Variants in CNTRL observed in about 807,000 individuals in gnomAD.
The protein encoded by CNTRL is 110 kDa centrosomal protein.
Under a neutral mutation model 303.7 loss-of-function variants are expected in CNTRL, and 233 were observed. That is an observed-to-expected ratio of 0.77 (90% CI 0.69 to 0.86). The LOEUF (loss-of-function observed/expected upper bound fraction) is 0.86, where lower values mean the gene tolerates loss of function less well. Ranked by LOEUF, CNTRL falls within the 40% of genes least tolerant of loss-of-function variation. The pLI, the probability that CNTRL is intolerant of heterozygous loss-of-function variation, is 0.00. For synonymous variants in CNTRL, 900 were observed against 922.2 expected (o/e 0.98, Z 0.44); for missense variants, 2,524 against 2,650.6 (o/e 0.95, Z 1.05).
At chr9:121,128,043 G>A (rs1180595677) in intron 14 of CNTRL, among the ~76,000 whole-genome samples, 4 of 151,976 alleles carry the variant, frequency 2.6e-5, no homozygotes, top group East Asian at 1.9e-4. Flanking sequence ...CCAGTCTATC[G>A]TTGATGGACA....
In CNTRL at chr9:121,171,506, G is replaced by C. The variant is rs760637748; in HGVS notation, c.6375G>C (p.Glu2125Asp). ...AGCGGGCCAGGCGCCTGATGAAGGA[G>C]CTCAACCAGATGCAGTATGAGTACA... The part of the protein sequence containing the change: ...NHERARRLMK[E>D]LNQMQYEYTE... Residue 2125 changes from glutamate to aspartate, a missense_variant, in exon 40 of 44, where the codon GAG becomes GAC. By Grantham distance (45) the Glu-to-Asp change is conservative. Transcript: ENST00000373855. 6.2e-6 allele frequency: 10 copies of C among 1,613,940 alleles called. No homozygotes were observed. Among genetic ancestry groups the C allele is most frequent in the South Asian group, 2.2e-5 (2 of 91,076 alleles).
At chr9:121,129,653 C>T (rs921844107) in intron 14 of CNTRL, among the ~76,000 whole-genome samples, 4 of 152,242 alleles carry the variant, frequency 2.6e-5, no homozygotes, top group South Asian at 2.1e-4. Flanking sequence ...TTGCCCTGGC[C>T]GGAACTTCCA....
chr9:121,176,061 C>T (rs2053510867), intron 43 of CNTRL, among the ~76,000 whole-genome samples: 1 of 152,212 alleles, frequency 6.6e-6, no homozygotes, highest in African/African-American at 2.4e-5. Flanking sequence ...TAGTAGCACA[C>T]ACAACTGTCA....
At chr9:121,093,929 T>C (rs2048772113) in intron 4 of CNTRL, among the ~76,000 whole-genome samples, 1 of 152,032 alleles carries the variant, frequency 6.6e-6, no homozygotes, top group Non-Finnish European at 1.5e-5. Flanking sequence ...GCTGACATGG[T>C]GAAACCCCAT....
intron 14 of CNTRL, among the ~76,000 whole-genome samples, 160 bp from the exon 15 acceptor site, chr9:121,135,646 C>T (rs187078465): frequency 3.9e-4 from 60 of 152,280 alleles, no homozygotes; most frequent in Non-Finnish European, 4.4e-4. Context: ...CCAGGATATG[C>T]ACAACCTGAG....
At position 121,171,479 on chromosome 9, in the gene CNTRL, T is replaced by C. The variant is rs1210757709; in HGVS notation, c.6348T>C (p.His2116=). Residue 2116 remains histidine (H), a synonymous_variant, in exon 40 of 44, where the codon CAT becomes CAC. Coordinates refer to ENST00000373855, the MANE Select transcript of CNTRL (RefSeq NM_007018.6). ...TTGAACTGGTAGCCCAGGACAACCA[T>C]GAGCGGGCCAGGCGCCTGATGAAGG... ...ATIELVAQDN[H]ERARRLMKEL... 4 of 1,614,060 alleles carry C rather than the reference T, an allele frequency of 2.5e-6. No individual in the cohort carries two copies. The African/African-American group carries it at 5.3e-5, about 22-fold the overall frequency.
At chr9:121,127,893 T>C (rs1588180709) in intron 14 of CNTRL, among the ~76,000 whole-genome samples, 1 of 147,604 alleles carries the variant, frequency 6.8e-6, no homozygotes, top group South Asian at 2.2e-4. Context: ...GAACATGCGG[T>C]GTTTGGTTTT....
Position 121,169,249 on chromosome 9 carries a change from T to G in CNTRL, c.6071-362T>G, listed in dbSNP as rs115301536. ...CACTGCCTCCTGTGGAAGGAAGTAG[T>G]ACTGGTGTGTCTCCCTTTATGAAAA... On this transcript the variant is annotated intron_variant, in intron 38 of 43. Coordinates refer to ENST00000373855, the MANE Select transcript of CNTRL (RefSeq NM_007018.6). Among the ~76,000 whole-genome samples, 1,117 of 152,314 alleles carry G rather than the reference T, an allele frequency of 7.3e-3. 12 individuals carry two copies. The highest frequency in any genetic ancestry group is 0.025 in the African/African-American group (1,056 of 41,560).
At chr9:121,127,918 G>A (rs552328334) in intron 14 of CNTRL, among the ~76,000 whole-genome samples, 34 of 151,442 alleles carry the variant, frequency 2.2e-4, no homozygotes, top group African/African-American at 8.2e-4. Flanking sequence ...CCTTGTGATA[G>A]TTTGCAAAGA....
chr9:121,131,322 G>C (rs551756698), intron 14 of CNTRL, among the ~76,000 whole-genome samples: 1 of 152,248 alleles, frequency 6.6e-6, no homozygotes, highest in African/African-American at 2.4e-5. Context: ...CTCCTGTATT[G>C]GGTGCATATA....
At chr9:121,085,424 C>G (rs2048308379) in intron 2 of CNTRL, among the ~76,000 whole-genome samples, 1 of 149,876 alleles carries the variant, frequency 6.7e-6, no homozygotes, top group Non-Finnish European at 1.5e-5. Flanking sequence ...AATATGCATA[C>G]AGAGAGAGAG....
chr9:121,167,117 C>G (rs1008227699), intron 36 of CNTRL, among the ~76,000 whole-genome samples: 1 of 152,048 alleles, frequency 6.6e-6, no homozygotes, highest in African/African-American at 2.4e-5. Context: ...CGAGATCAGC[C>G]TGGCCAACAT....
intron 16 of CNTRL, among the ~76,000 whole-genome samples, chr9:121,139,664 G>A (rs146528628): frequency 6.6e-6 from 1 of 152,034 alleles, no homozygotes; most frequent in Non-Finnish European, 1.5e-5. Context: ...TCCATTTTTA[G>A]TATAGAAATT....
At chr9:121,156,632 G>GT (rs1277253626) in intron 27 of CNTRL, among the ~76,000 whole-genome samples, 2 of 151,746 alleles carry the variant, frequency 1.3e-5, no homozygotes, top group Non-Finnish European at 2.9e-5. Context: ...GCAGACTTCA[G>GT]TTTTTTTTGG....
intron 7 of CNTRL, among the ~76,000 whole-genome samples, chr9:121,106,903 T>C (rs1247465870): frequency 6.6e-6 from 1 of 152,216 alleles, no homozygotes; most frequent in African/African-American, 2.4e-5. Context: ...AGACTACTTA[T>C]GGTTCCTTCA....
intron 8 of CNTRL, among the ~76,000 whole-genome samples, chr9:121,111,853 A>C (rs1428852851): frequency 6.6e-6 from 1 of 152,152 alleles, no homozygotes; most frequent in Admixed American, 6.5e-5. Context: ...TAGTAGAATT[A>C]CTTTATTAAA....
intron 4 of CNTRL, among the ~76,000 whole-genome samples, chr9:121,091,583 C>T (rs977654391): frequency 2.0e-5 from 3 of 152,262 alleles, no homozygotes; most frequent in East Asian, 1.9e-4. Context: ...TGGCTCACAC[C>T]TGTAATCCCA....
chr9:121,154,683 T>A, intron 26 of CNTRL, 38 bp from the exon 27 acceptor site: 1 of 1,276,302 alleles, frequency 7.8e-7, no homozygotes, highest in Non-Finnish European at 1.1e-6. Flanking sequence ...ATTGTCTACA[T>A]TTAACATTTT....
At chr9:121,086,943 G>A (rs755920783) in intron 2 of CNTRL, among the ~76,000 whole-genome samples, 2 of 152,020 alleles carry the variant, frequency 1.3e-5, no homozygotes, top group Admixed American at 6.6e-5. Context: ...ATGAGCCACC[G>A]CTCCTGGACT....
Sources: gnomAD v4.1 joint callset for allele counts (sites outside exome capture counted in the v4.1 genomes callset) on GRCh38, gnomAD v4.1.1 for gene constraint, MANE v1.5 for transcripts, NCBI Gene and HGNC (gene_info 2026-07-23, HGNC 2026-07-21) for gene names.